FAM78B: variants seen among roughly 807,000 people sequenced by gnomAD.
FAM78B encodes the protein family with sequence similarity 78 member B, also known as protein FAM78B.
FAM78B carries 10 observed loss-of-function variants against 20.0 expected under a neutral mutation model. The observed-to-expected ratio is 0.50, with a 90% CI of 0.31 to 0.85. The LOEUF (loss-of-function observed/expected upper bound fraction) is 0.85, where lower values mean the gene tolerates loss of function less well. Ranked by LOEUF, FAM78B falls within the 40% of genes least tolerant of loss-of-function variation. FAM78B has a pLI of 0.05. For synonymous variants in FAM78B, 135 were observed against 132.8 expected (o/e 1.02, Z -0.12); for missense variants, 283 against 345.0 (o/e 0.82, Z 1.42).
Position 166,091,848 on chromosome 1 carries a change from C to G in FAM78B, c.264-21085G>C, listed in dbSNP as rs543030118. On this transcript the variant is annotated intron_variant, in intron 1 of 1. Transcript: ENST00000354422. ...GTCCTCTACCTTAAAAACAAGGAAA[C>G]CAGAGCTCAGAAAGGTTACGTGATT... Among the ~76,000 whole-genome samples, 7 of 152,240 alleles carry G rather than the reference C, an allele frequency of 4.6e-5. No homozygotes were observed. The South Asian group carries it at 1.5e-3, about 32-fold the overall frequency.
downstream of FAM78B, among the ~76,000 whole-genome samples, chr1:166,055,926 T>C (rs978799406): frequency 1.3e-4 from 20 of 152,178 alleles, no homozygotes; most frequent in African/African-American, 4.6e-4. Flanking sequence ...TGTTCAGCAA[T>C]TGCCAGTTCC....
At chr1:166,112,341 C>T (rs1261043873) in intron 1 of FAM78B, among the ~76,000 whole-genome samples, 1 of 152,110 alleles carries the variant, frequency 6.6e-6, no homozygotes, top group African/African-American at 2.4e-5. Context: ...GTTTTCATTT[C>T]TTGTGATCTT....
intron 1 of FAM78B, among the ~76,000 whole-genome samples, chr1:166,121,073 C>A (rs1426873298): frequency 6.6e-6 from 1 of 152,134 alleles, no homozygotes; most frequent in Non-Finnish European, 1.5e-5. Flanking sequence ...TTTGTAGAGC[C>A]TCGGGCAATT....
At chr1:166,056,184 A>AT (rs1227938976), downstream of FAM78B, among the ~76,000 whole-genome samples, 19 of 151,930 alleles carry the variant, frequency 1.3e-4, no homozygotes, top group Non-Finnish European at 2.6e-4. Context: ...CTTTTCTTAA[A>AT]TTTTTTTTCC....
chr1:166,109,389 C>A (rs1020380418), intron 1 of FAM78B, among the ~76,000 whole-genome samples: 3 of 151,936 alleles, frequency 2.0e-5, no homozygotes, highest in Admixed American at 2.0e-4. Flanking sequence ...ATACAAATGG[C>A]CAACAAACAT....
At chr1:166,136,313 A>G (rs1655061688) in intron 1 of FAM78B, among the ~76,000 whole-genome samples, 1 of 152,204 alleles carries the variant, frequency 6.6e-6, no homozygotes, top group Non-Finnish European at 1.5e-5. Context: ...AGTGCTTTAA[A>G]GATGACACAC....
chr1:166,140,645 C>T (rs1472697804), intron 1 of FAM78B, among the ~76,000 whole-genome samples: 1 of 152,210 alleles, frequency 6.6e-6, no homozygotes, highest in African/African-American at 2.4e-5. Flanking sequence ...CTCAGTTTTC[C>T]TTACTGCAAA....
intron 1 of FAM78B, among the ~76,000 whole-genome samples, chr1:166,072,431 G>C (rs1270493057): frequency 6.6e-6 from 1 of 152,226 alleles, no homozygotes; most frequent in Non-Finnish European, 1.5e-5. Flanking sequence ...ACCTGATGCA[G>C]AAAGTCAGAG....
intron 1 of FAM78B, 120 bp downstream of exon 1, chr1:166,165,866 G>C: frequency 8.4e-7 from 1 of 1,192,960 alleles, no homozygotes; most frequent in Non-Finnish European, 1.2e-6. Context: ...GAGGAGGCGG[G>C]AGGAAGGTTT....
chr1:166,105,062 C>G (rs1237152883), intron 1 of FAM78B, among the ~76,000 whole-genome samples: 13 of 152,128 alleles, frequency 8.5e-5, no homozygotes, highest in Admixed American at 8.5e-4. Flanking sequence ...ATATCTACAA[C>G]TATCTGATCT....
At chr1:166,097,352 C>G (rs1396261546) in intron 1 of FAM78B, among the ~76,000 whole-genome samples, 1 of 152,184 alleles carries the variant, frequency 6.6e-6, no homozygotes, top group Non-Finnish European at 1.5e-5. Context: ...GGGCGAGAAG[C>G]CTCCTGGCCA....
At chr1:166,062,452 T>G (rs889103154) in intron 2 of FAM78B, among the ~76,000 whole-genome samples, 2 of 152,256 alleles carry the variant, frequency 1.3e-5, no homozygotes, top group African/African-American at 4.8e-5. Flanking sequence ...ATTTCCCTTC[T>G]GATGAACGTG....
chr1:166,125,592 C>G (rs1290384882), intron 1 of FAM78B, among the ~76,000 whole-genome samples: 1 of 152,152 alleles, frequency 6.6e-6, no homozygotes, highest in African/African-American at 2.4e-5. Flanking sequence ...AATTGTTCCT[C>G]TCTGTCTGTG....
intron 1 of FAM78B, among the ~76,000 whole-genome samples, chr1:166,127,419 C>A (rs376679568): frequency 3.7e-4 from 57 of 152,320 alleles, no homozygotes; most frequent in African/African-American, 1.2e-3. Context: ...AAGACCACCT[C>A]CCTTTTTGTC....
In FAM78B at chr1:166,116,185, G is replaced by A. The variant is rs151253030; in HGVS notation, c.264-45422C>T. Among the ~76,000 whole-genome samples, 38 of 152,316 alleles carry A rather than the reference G, an allele frequency of 2.5e-4. No individual in the cohort carries two copies. The East Asian group carries it at 6.8e-3, about 27-fold the overall frequency. On this transcript the variant is annotated intron_variant, in intron 1 of 1. Coordinates refer to ENST00000354422, the MANE Select transcript of FAM78B (RefSeq NM_001017961.5). ...TGGGGCTGCTGGAGACAACATCCCT[G>A]TGGCATTTTCTCCGCTGTTTAACTG...
rs1655399910 is a variant in FAM78B, at chr1:166,144,758, G to C, written c.263+21228C>G. Among the ~76,000 whole-genome samples the C allele has an allele frequency of 4.6e-5, 7 of 152,138 alleles. No individual in the cohort carries two copies. The South Asian group carries it at 1.5e-3, about 32-fold the overall frequency. ...AGGCAAAAAATCTTCAGCTGCAAGA[G>C]GGGAAAAGCACATCAAAGGTATAGA... On this transcript the variant is annotated intron_variant, in intron 1 of 1. Transcript: ENST00000354422.
At chr1:166,157,779 G>C (rs548703112) in intron 1 of FAM78B, among the ~76,000 whole-genome samples, 107 of 152,246 alleles carry the variant, frequency 7.0e-4, no homozygotes, top group African/African-American at 2.5e-3. Flanking sequence ...GTCTGCTGGG[G>C]CCCAGGGCTG....
At chr1:166,087,092 G>A (rs1652864974) in intron 1 of FAM78B, 1 of 151,554 alleles carries the variant, frequency 6.6e-6, no homozygotes, top group Admixed American at 6.6e-5. Flanking sequence ...TTTAGATGGA[G>A]TTTCACTCTT....
chr1:166,097,344 G>A (rs566088895), intron 1 of FAM78B, among the ~76,000 whole-genome samples: 49 of 152,184 alleles, frequency 3.2e-4, no homozygotes, highest in Non-Finnish European at 4.7e-4. Flanking sequence ...CTTGAATAGG[G>A]CGAGAAGCCT....
Sources: allele counts gnomAD v4.1 joint callset (sites outside exome capture counted in the v4.1 genomes callset), GRCh38; gene constraint gnomAD v4.1.1; transcripts MANE v1.5; gene names NCBI Gene and HGNC (gene_info 2026-07-23, HGNC 2026-07-21).